Variants in CD96 observed in about 807,000 individuals in gnomAD.
CD96 encodes the protein CD96 molecule.
Under a neutral mutation model 71.3 loss-of-function variants are expected in CD96, and 70 were observed. That is an observed-to-expected ratio of 0.98 (90% CI 0.81 to 1.20). CD96 has a LOEUF of 1.20. Ranked by LOEUF, CD96 falls within the 50% of genes most tolerant of loss-of-function variation. CD96 has a pLI of 0.00. For synonymous variants in CD96, 248 were observed against 233.0 expected (o/e 1.06, Z -0.59); for missense variants, 742 against 677.5 (o/e 1.10, Z -1.06).
chr3:111,592,697 G>A (rs2107623847), intron 5 of CD96, among the ~76,000 whole-genome samples: 1 of 151,764 alleles, frequency 6.6e-6, no homozygotes, highest in East Asian at 1.9e-4. Context: ...ATTTCTTTCA[G>A]TTCTTCCTCA....
intron 8 of CD96, among the ~76,000 whole-genome samples, chr3:111,611,069 C>T (rs1259846119): frequency 1.3e-5 from 2 of 152,120 alleles, no homozygotes; most frequent in Non-Finnish European, 2.9e-5. Context: ...CCCATCAGTC[C>T]CTTTGGCTCT....
chr3:111,577,552 A>T (rs749882194), intron 3 of CD96: 2 of 1,584,810 alleles, frequency 1.3e-6, no homozygotes, highest in South Asian at 1.1e-5. Context: ...GTATAAAGGT[A>T]TGTAAATTGC....
chr3:111,553,437 T>G (rs866011128), intron 2 of CD96, among the ~76,000 whole-genome samples: 8,774 of 145,066 alleles, frequency 0.06, 580 homozygotes, highest in African/African-American at 0.19. Flanking sequence ...CTTTTTTCTT[T>G]TTTTTTTTTT....
At chr3:111,578,730 G>A (rs753871108) in intron 3 of CD96, among the ~76,000 whole-genome samples, 80 of 152,124 alleles carry the variant, frequency 5.3e-4, no homozygotes, top group Non-Finnish European at 9.3e-4. Flanking sequence ...CATTAGTCCT[G>A]CCCATTCCAA....
At chr3:111,559,111 A>T (rs1935243376) in intron 2 of CD96, among the ~76,000 whole-genome samples, 1 of 150,472 alleles carries the variant, frequency 6.6e-6, no homozygotes, top group African/African-American at 2.4e-5. Context: ...TTTCTTTATT[A>T]GTCTTGCTAG....
At chr3:111,560,580 T>C (rs1209903968) in intron 2 of CD96, among the ~76,000 whole-genome samples, 12 of 104,642 alleles carry the variant, frequency 1.1e-4, no homozygotes, top group African/African-American at 3.1e-4. Flanking sequence ...AGAGATCCAC[T>C]GTTAGTCTGA....
intron 2 of CD96, among the ~76,000 whole-genome samples, chr3:111,559,090 T>C (rs1269996013): frequency 1.3e-5 from 2 of 151,640 alleles, no homozygotes; most frequent in Non-Finnish European, 3.0e-5. Context: ...TATTTGATTC[T>C]TCTCTCTTTT....
In CD96 at chr3:111,638,104, A is replaced by C. The variant is rs774192887; in HGVS notation, c.1413A>C (p.Arg471Ser). 3.7e-6 allele frequency: 6 copies of C among 1,609,598 alleles called. No individual in the cohort carries two copies. In the African/African-American group the frequency reaches 4.0e-5, roughly 11 times the overall value. The stretch of plus-strand genomic sequence containing the variant: ...ACAATGTCTTTACCAGCACAGCCAG[A>C]GCATTTTCAGAAGTCCCCACAACTG... ...LHDNVFTSTA[R>S]AFSEVPTTAN... The change falls in exon 12 of 14, where the codon AGA (arginine) becomes AGC (serine). Residue 471 changes from arginine to serine, a missense_variant. Coordinates refer to ENST00000352690, the MANE Select transcript of CD96 (RefSeq NM_005816.5).
chr3:111,623,857 A>G (rs1559762807), intron 9 of CD96, 35 bp downstream of exon 9: 2 of 1,362,288 alleles, frequency 1.5e-6, no homozygotes, highest in Non-Finnish European at 2.1e-6. Flanking sequence ...ATGATTGGAA[A>G]GAGACAACAC....
At chr3:111,615,883 T>G (rs1938206254) in intron 8 of CD96, among the ~76,000 whole-genome samples, 1 of 152,158 alleles carries the variant, frequency 6.6e-6, no homozygotes, top group Non-Finnish European at 1.5e-5. Flanking sequence ...CTCCTAGCTG[T>G]TTCTTCAACA....
intron 7 of CD96, among the ~76,000 whole-genome samples, chr3:111,603,052 G>A (rs1196684083): frequency 6.6e-6 from 1 of 152,072 alleles, no homozygotes; most frequent in Non-Finnish European, 1.5e-5. Context: ...ATTAGGGTTA[G>A]GGTGATCAGT....
intron 8 of CD96, among the ~76,000 whole-genome samples, chr3:111,612,071 G>T (rs1482689364): frequency 6.6e-6 from 1 of 152,218 alleles, no homozygotes; most frequent in African/African-American, 2.4e-5. Flanking sequence ...AATGGGCTAT[G>T]AATCGGGGCT....
intron 2 of CD96, among the ~76,000 whole-genome samples, chr3:111,554,477 T>C (rs1934883953): frequency 6.6e-6 from 1 of 152,150 alleles, no homozygotes; most frequent in South Asian, 2.1e-4. Context: ...AAGCATTTGT[T>C]TGTCTGTTCC....
chr3:111,552,878 T>C (rs1306458366), intron 2 of CD96, among the ~76,000 whole-genome samples: 1 of 152,130 alleles, frequency 6.6e-6, no homozygotes, highest in Non-Finnish European at 1.5e-5. Context: ...CTCTAAACAA[T>C]ATACAAAAAA....
intron 2 of CD96, among the ~76,000 whole-genome samples, chr3:111,562,696 T>C (rs1221243067): frequency 6.6e-6 from 1 of 152,240 alleles, no homozygotes; most frequent in Non-Finnish European, 1.5e-5. Context: ...TGTGTGTCAA[T>C]CAGGGAGTGC....
At chr3:111,624,273 G>A (rs1576404361) in intron 9 of CD96, 60 bp from the exon 10 acceptor site, 3 of 1,145,972 alleles carry the variant, frequency 2.6e-6, no homozygotes, top group East Asian at 4.7e-5. Context: ...GTGCATCAAA[G>A]CAAAGTTAAA....
chr3:111,659,309 A>AT (rs980862208), intron 14 of CD96, among the ~76,000 whole-genome samples: 1 of 151,790 alleles, frequency 6.6e-6, no homozygotes. Context: ...CTCTTATTTT[A>AT]TTTTTTTGAA....
At chr3:111,551,456 AC>A (rs1356046268) in intron 2 of CD96, among the ~76,000 whole-genome samples, 2 of 152,160 alleles carry the variant, frequency 1.3e-5, no homozygotes, top group Admixed American at 1.3e-4. Context: ...AAGTTGACAA[AC>A]TTTTTCTCTG....
At chr3:111,568,148 T>A (rs939442761) in intron 3 of CD96, among the ~76,000 whole-genome samples, 1 of 152,152 alleles carries the variant, frequency 6.6e-6, no homozygotes, top group African/African-American at 2.4e-5. Context: ...AGGCCTTGTA[T>A]AAGAAACAGT....
Sources: allele counts gnomAD v4.1 joint callset (sites outside exome capture counted in the v4.1 genomes callset), GRCh38; gene constraint gnomAD v4.1.1; transcripts MANE v1.5; gene names NCBI Gene and HGNC (gene_info 2026-07-23, HGNC 2026-07-21).